Variants in WDR19 observed in about 807,000 individuals in gnomAD.
WDR19 encodes the protein WD repeat domain 19.
A neutral mutation model predicts 180.0 loss-of-function variants in WDR19; 121 were observed. The observed-to-expected ratio is 0.67, with a 90% confidence interval of 0.58 to 0.78. WDR19 has a LOEUF of 0.78. Among genes scored for constraint, WDR19 ranks in the 30% least tolerant of loss-of-function variants. WDR19 has a pLI of 0.00. For missense variants in WDR19, 1,450 were observed against 1,640.7 expected, an observed-to-expected ratio of 0.88 and a Z score of 2.01; for synonymous variants, 497 against 540.7, an observed-to-expected ratio of 0.92 and a Z score of 1.12.
intron 23 of WDR19, 110 bp downstream of exon 23, chr4:39,244,662 T>C: frequency 9.3e-7 from 1 of 1,072,796 alleles, no homozygotes; most frequent in Non-Finnish European, 1.4e-6. Context: ...TCTGTTCCCC[T>C]ATCTAGACCT....
At chr4:39,285,194 A>C (rs531021715) in intron 36 of WDR19, among the ~76,000 whole-genome samples, 2 of 151,998 alleles carry the variant, frequency 1.3e-5, no homozygotes, top group East Asian at 3.9e-4. Flanking sequence ...TTTCTCTACA[A>C]ATTGCTGAGC....
intron 28 of WDR19, among the ~76,000 whole-genome samples, chr4:39,261,428 G>T (rs562453581): frequency 6.6e-6 from 1 of 152,252 alleles, no homozygotes; most frequent in East Asian, 1.9e-4. Flanking sequence ...TTAGATTGGG[G>T]TGTCCAATCT....
At chr4:39,257,071 A>C (rs1560545204) in intron 27 of WDR19, among the ~76,000 whole-genome samples, 1 of 152,162 alleles carries the variant, frequency 6.6e-6, no homozygotes, top group Non-Finnish European at 1.5e-5. Context: ...TATCACACAG[A>C]TCTTCTTAGC....
chr4:39,197,173 A>G (rs1242984101), intron 5 of WDR19, among the ~76,000 whole-genome samples: 1 of 152,168 alleles, frequency 6.6e-6, no homozygotes, highest in Non-Finnish European at 1.5e-5. Context: ...TCATCCCTGT[A>G]ATTCCAGCAT....
At chr4:39,198,719 G>T (rs763032998) in intron 5 of WDR19, among the ~76,000 whole-genome samples, 12 of 152,082 alleles carry the variant, frequency 7.9e-5, no homozygotes, top group Non-Finnish European at 1.5e-4. Context: ...TACAAAAATG[G>T]CCAGGTGCGG....
In WDR19 at chr4:39,185,739, T is replaced by C. The variant is rs387906982; in HGVS notation, c.20T>C (p.Leu7Pro). The part of the protein sequence containing the change: MKRIFS[L>P]LEKTWLGAPI... ...TTTATTTTTTAGCGTATTTTCTCACTGCTAGAAAAGACTTGGCTTGGCGCA... is the reference window on the plus strand; with the variant it reads ...TTTATTTTTTAGCGTATTTTCTCACCGCTAGAAAAGACTTGGCTTGGCGCA... Residue 7 changes from leucine to proline, a missense_variant, in exon 2 of 37, where the codon CTG (leucine) becomes CCG (proline). Transcript: ENST00000399820. 4 of 1,556,492 alleles carry C rather than the reference T, an allele frequency of 2.6e-6. No individual in the cohort carries two copies. The highest frequency in any genetic ancestry group is 3.5e-6 in the Non-Finnish European group (4 of 1,149,320).
At chr4:39,207,930 GA>G (rs1394494036) in intron 9 of WDR19, among the ~76,000 whole-genome samples, 1 of 152,076 alleles carries the variant, frequency 6.6e-6, no homozygotes, top group Non-Finnish European at 1.5e-5. Context: ...TTTAATGCAT[GA>G]AAATGCAATA....
rs117609810 is a variant in WDR19, at chr4:39,240,656, T to G, written c.2421+322T>G. On this transcript the variant is annotated intron_variant, in intron 21 of 36. Coordinates refer to ENST00000399820, the MANE Select transcript of WDR19 (RefSeq NM_025132.4). Reference sequence around the variant, plus strand: ...ATAAGGTTTTTCCTTTTGCTCTTTTTAAAAGTTTCAGTAGGCTGGACGCGG... The same window carrying G: ...ATAAGGTTTTTCCTTTTGCTCTTTTGAAAAGTTTCAGTAGGCTGGACGCGG... Among the ~76,000 whole-genome samples the G allele has an allele frequency of 1.9e-3, 293 of 152,244 alleles. 8 individuals are homozygous for G. The East Asian group carries it at 0.046, about 24-fold the overall frequency.
chr4:39,185,792 T>G lies in WDR19; in HGVS notation c.73T>G (p.Ser25Ala). ...AATACAGTTTGCCTGGCAAAAAACATCAGGAAACTACCTTGCAGTAACAGG... is the reference window on the plus strand; with the variant it reads ...AATACAGTTTGCCTGGCAAAAAACAGCAGGAAACTACCTTGCAGTAACAGG... Reference protein sequence around the residue: ...APIQFAWQKTSGNYLAVTGAD... With the variant: ...APIQFAWQKTAGNYLAVTGAD... Residue 25 changes from serine to alanine, a missense_variant, in exon 2 of 37, where the codon TCA (serine) becomes GCA (alanine). Physicochemically the swap from Ser to Ala is moderately conservative, Grantham distance 99. Transcript: ENST00000399820. 1.3e-6 allele frequency: 2 copies of G among 1,556,652 alleles called. No homozygotes were observed. Among genetic ancestry groups the G allele is most frequent in the Non-Finnish European group, 1.7e-6 (2 of 1,149,182 alleles).
intron 28 of WDR19, among the ~76,000 whole-genome samples, chr4:39,260,887 C>T (rs764321010): frequency 6.6e-6 from 1 of 152,132 alleles, no homozygotes; most frequent in Non-Finnish European, 1.5e-5. Context: ...TAATTACCTC[C>T]CAGATGCTCC....
At chr4:39,214,374 A>T (rs945099797) in intron 9 of WDR19, among the ~76,000 whole-genome samples, 2 of 152,042 alleles carry the variant, frequency 1.3e-5, no homozygotes, top group African/African-American at 4.8e-5. Context: ...CCCGCCCCCC[A>T]TCTCTGCACA....
rs1199147936 is a variant in WDR19 at position 39,232,330 on chromosome 4, G to A, written c.2253+58G>A. The A allele has an allele frequency of 6.2e-4, 819 of 1,317,678 alleles. 1 individual carries two copies. Among genetic ancestry groups the A allele is most frequent in the South Asian group, 1.4e-4 (10 of 69,724 alleles). 81.6% of individuals were successfully genotyped at this position (1,317,678 alleles called of 1,614,324 possible). On this transcript the variant is annotated intron_variant, in intron 19 of 36. Coordinates refer to ENST00000399820, the MANE Select transcript of WDR19 (RefSeq NM_025132.4). ...AGAGGTATCCAGTGGGGAAATGGGG[G>A]AAAAAAAAATGGGGCCGGGTGCAGC...
intron 14 of WDR19, among the ~76,000 whole-genome samples, chr4:39,222,223 G>T (rs1729772714): frequency 6.6e-6 from 1 of 152,158 alleles, no homozygotes; most frequent in Non-Finnish European, 1.5e-5. Flanking sequence ...TATCTTTGGT[G>T]AAGCGTCTGT....
intron 25 of WDR19, 147 bp downstream of exon 25, chr4:39,253,439 C>A: frequency 1.1e-6 from 1 of 932,844 alleles, no homozygotes; most frequent in Non-Finnish European, 1.6e-6. Flanking sequence ...CAAAGGCTGT[C>A]GTGGTCAGCA....
At chr4:39,262,390 A>G (rs1429892936) in intron 28 of WDR19, among the ~76,000 whole-genome samples, 1 of 151,972 alleles carries the variant, frequency 6.6e-6, no homozygotes, top group East Asian at 1.9e-4. Flanking sequence ...GACTACAGAC[A>G]TGCCACCGCA....
At chr4:39,243,616 G>A (rs554893436) in intron 21 of WDR19, among the ~76,000 whole-genome samples, 246 of 152,186 alleles carry the variant, frequency 1.6e-3, no homozygotes, top group Middle Eastern at 6.8e-3. Context: ...TTTAAAGTTA[G>A]ATAAAATTTA....
At chr4:39,261,128 A>G (rs920736479) in intron 28 of WDR19, among the ~76,000 whole-genome samples, 1 of 146,664 alleles carries the variant, frequency 6.8e-6, no homozygotes. Context: ...TGAGTTGCCC[A>G]CCACCACACG....
intron 17 of WDR19, 39 bp downstream of exon 17, chr4:39,228,729 C>T: frequency 2.0e-6 from 3 of 1,474,710 alleles, no homozygotes; most frequent in South Asian, 1.6e-5. Flanking sequence ...TTCTCATTTG[C>T]TTTTGTGATT....
intron 1 of WDR19, 84 bp downstream of exon 1, chr4:39,182,647 C>G (rs1033528963): frequency 6.3e-7 from 1 of 1,579,026 alleles, no homozygotes; most frequent in South Asian, 1.1e-5. Flanking sequence ...ATATCTGTCC[C>G]TCTCCCTTCT....
Sources: gnomAD v4.1 joint callset for allele counts (sites outside exome capture counted in the v4.1 genomes callset) on GRCh38, gnomAD v4.1.1 for gene constraint, MANE v1.5 for transcripts, NCBI Gene and HGNC (gene_info 2026-07-23, HGNC 2026-07-21) for gene names.